The following CRISP1 variants were observed in gnomAD, a reference collection of about 807,000 sequenced individuals.
CRISP1 encodes cysteine-rich secretory protein 1.
A neutral mutation model predicts 33.1 loss-of-function variants in CRISP1; 44 were observed. That is an observed-to-expected ratio of 1.33 (90% CI 1.05 to 1.71). The LOEUF is 1.71. Among genes scored for constraint, CRISP1 ranks in the 40% most tolerant of loss-of-function variants. The pLI, the probability that CRISP1 is intolerant of heterozygous loss-of-function variation, is 0.00. For missense variants in CRISP1, 390 were observed against 301.2 expected (o/e 1.29, Z -2.18); for synonymous variants, 103 against 98.7 (o/e 1.04, Z -0.26).
intron 3 of CRISP1, among the ~76,000 whole-genome samples, chr6:49,850,107 G>A: frequency 8.5e-6 from 1 of 117,870 alleles, no homozygotes; most frequent in Non-Finnish European, 1.7e-5. Context: ...GTGGGGTGGG[G>A]GGAGGGGGAG....
At chr6:49,842,938 T>A (rs1771041628) in intron 5 of CRISP1, among the ~76,000 whole-genome samples, 1 of 152,194 alleles carries the variant, frequency 6.6e-6, no homozygotes, top group Non-Finnish European at 1.5e-5. Flanking sequence ...GATTTCATTG[T>A]CTTCATTCCT....
At chr6:49,856,047 C>T (rs1271697527) in intron 2 of CRISP1, among the ~76,000 whole-genome samples, 1 of 152,122 alleles carries the variant, frequency 6.6e-6, no homozygotes, top group Non-Finnish European at 1.5e-5. Flanking sequence ...AGAGCATCAA[C>T]CTATTGTTTT....
intron 5 of CRISP1, among the ~76,000 whole-genome samples, chr6:49,846,087 T>G (rs1315683950): frequency 1.3e-5 from 2 of 152,164 alleles, no homozygotes; most frequent in Admixed American, 1.3e-4. Context: ...AGTGGACTTA[T>G]TGCCACTGAA....
Position 49,841,770 on chromosome 6 carries a change from T to A in CRISP1, c.436-775A>T, listed in dbSNP as rs544270931. Among the ~76,000 whole-genome samples the A allele has an allele frequency of 2.0e-5, 3 of 152,272 alleles. No individual in the cohort carries two copies. The South Asian group carries it at 6.2e-4, about 32-fold the overall frequency. On this transcript the variant is annotated intron_variant, in intron 5 of 7. Transcript: ENST00000335847. ...TGAGGAAAAGTGAGCCAGGTTTAAATTCCATCATTTACTTCTTGGGTAGGG... is the reference window on the plus strand; with the variant it reads ...TGAGGAAAAGTGAGCCAGGTTTAAAATCCATCATTTACTTCTTGGGTAGGG...
At chr6:49,835,501 GAA>G in intron 7 of CRISP1, 58 bp from the exon 8 acceptor site, 2 of 1,543,296 alleles carry the variant, frequency 1.3e-6, no homozygotes, top group South Asian at 1.2e-5. Flanking sequence ...ATTTGCTGAG[GAA>G]AGAGACCATC....
At chr6:49,848,346 A>G (rs943093713) in intron 3 of CRISP1, 47 bp from the exon 4 acceptor site, 1 of 1,113,864 alleles carries the variant, frequency 9.0e-7, no homozygotes, top group Non-Finnish European at 1.3e-6. Context: ...TAATATTTTC[A>G]TAAGATTCTA....
upstream of CRISP1, among the ~76,000 whole-genome samples, chr6:49,868,219 G>T (rs1009075809): frequency 6.6e-6 from 1 of 152,136 alleles, no homozygotes; most frequent in African/African-American, 2.4e-5. Context: ...ATTTGCATGT[G>T]AGTCCCAAAC....
chr6:49,850,494 CT>C (rs560839666), intron 3 of CRISP1, among the ~76,000 whole-genome samples: 35 of 148,782 alleles, frequency 2.4e-4, no homozygotes, highest in African/African-American at 2.7e-4. Context: ...TGTTCAGAAA[CT>C]TTTTTTTTTA....
At chr6:49,848,090 C>T (rs1771236792) in intron 4 of CRISP1, 119 bp downstream of exon 4, 1 of 558,210 alleles carries the variant, frequency 1.8e-6, no homozygotes, top group African/African-American at 1.9e-5. Context: ...TTGTATGACC[C>T]AGTGCAAATG....
intron 5 of CRISP1, among the ~76,000 whole-genome samples, chr6:49,845,039 T>C (rs1214701047): frequency 6.6e-6 from 1 of 152,054 alleles, no homozygotes; most frequent in South Asian, 2.1e-4. Flanking sequence ...AAAAATAAAT[T>C]TGTTGGGGAG....
At chr6:49,862,824 AAAAC>A (rs1221536002) in intron 1 of CRISP1, among the ~76,000 whole-genome samples, 3 of 152,024 alleles carry the variant, frequency 2.0e-5, no homozygotes, top group Non-Finnish European at 4.4e-5. Flanking sequence ...TACAAAAAAA[AAAAC>A]AAAACAAAAC....
chr6:49,867,652 A>G (rs1771829951), upstream of CRISP1, among the ~76,000 whole-genome samples: 1 of 152,070 alleles, frequency 6.6e-6, no homozygotes, highest in African/African-American at 2.4e-5. Context: ...CCAGAAAACC[A>G]TCTGCAGGAA....
intron 1 of CRISP1, among the ~76,000 whole-genome samples, chr6:49,860,914 A>G (rs1771631801): frequency 6.6e-6 from 1 of 152,096 alleles, no homozygotes; most frequent in African/African-American, 2.4e-5. Flanking sequence ...AAAACAAAAG[A>G]TATTACAATT....
At chr6:49,864,568 T>C (rs1329516616) in intron 1 of CRISP1, among the ~76,000 whole-genome samples, 1 of 152,142 alleles carries the variant, frequency 6.6e-6, no homozygotes, top group Non-Finnish European at 1.5e-5. Flanking sequence ...TCACCTATTA[T>C]TTGTATTCTC....
At chr6:49,851,433 C>A (rs1771341923) in intron 3 of CRISP1, among the ~76,000 whole-genome samples, 1 of 152,112 alleles carries the variant, frequency 6.6e-6, no homozygotes, top group African/African-American at 2.4e-5. Flanking sequence ...GAAATAATTT[C>A]TCTTCCTATT....
At chr6:49,862,993 GC>G (rs1771695603) in intron 1 of CRISP1, among the ~76,000 whole-genome samples, 1 of 152,106 alleles carries the variant, frequency 6.6e-6, no homozygotes, top group Non-Finnish European at 1.5e-5. Flanking sequence ...TATCTCTGTT[GC>G]CCCAGAATTA....
At chr6:49,857,012 C>T (rs112652490) in intron 2 of CRISP1, among the ~76,000 whole-genome samples, 9 of 152,206 alleles carry the variant, frequency 5.9e-5, no homozygotes, top group African/African-American at 2.2e-4. Context: ...TCTGCATTCT[C>T]AGTTTTTTTC....
rs531575313 is a variant in CRISP1 at position 49,862,881 on chromosome 6, T to C, written c.-3+3548A>G. Among the ~76,000 whole-genome samples the C allele has an allele frequency of 3.4e-4, 51 of 151,990 alleles. 1 individual carries two copies. The South Asian group carries it at 0.01, about 31-fold the overall frequency. On this transcript the variant is annotated intron_variant, in intron 1 of 7. Transcript: ENST00000335847. ...TTGCTTGAGGTCTAAAATAGTCACTTGGGGTGACTGAGTCAAAATATGAGG... is the reference window on the plus strand; with the variant it reads ...TTGCTTGAGGTCTAAAATAGTCACTCGGGGTGACTGAGTCAAAATATGAGG...
chr6:49,868,638 G>T (rs2127479066), upstream of CRISP1, among the ~76,000 whole-genome samples: 1 of 152,218 alleles, frequency 6.6e-6, no homozygotes, highest in African/African-American at 2.4e-5. Context: ...TATTCTGGCT[G>T]TGGCTTTATT....
Sources: gnomAD v4.1 joint callset for allele counts (sites outside exome capture counted in the v4.1 genomes callset) on GRCh38, gnomAD v4.1.1 for gene constraint, MANE v1.5 for transcripts, NCBI Gene and HGNC (gene_info 2026-07-23, HGNC 2026-07-21) for gene names.